The following AK8 variants were observed in gnomAD, a reference collection of about 807,000 sequenced individuals.
AK8 encodes adenylate kinase 8, also known as ATP-AMP transphosphorylase 8.
A neutral mutation model predicts 54.6 loss-of-function variants in AK8; 44 were observed. The observed-to-expected ratio is 0.81, with a 90% CI of 0.63 to 1.04. AK8 has a LOEUF of 1.04. Among genes scored for constraint, AK8 ranks in the 50% least tolerant of loss-of-function variants. The pLI, the probability that AK8 is intolerant of heterozygous loss-of-function variation, is 0.00. For synonymous variants in AK8, 239 were observed against 245.6 expected, an observed-to-expected ratio of 0.97 and a Z score of 0.25; for missense variants, 555 against 613.6, an observed-to-expected ratio of 0.90 and a Z score of 1.01.
rs183360811 is a variant in AK8 at position 132,844,441 on chromosome 9, C to T, written c.402+10416G>A. On this transcript the variant is annotated intron_variant, in intron 5 of 12. Transcript: ENST00000298545. ...TGTGCTCTAAATTACCAATTCTAGTCCCTGTGTAGCTAAATAATAATAATT... is the reference window on the plus strand; with the variant it reads ...TGTGCTCTAAATTACCAATTCTAGTTCCTGTGTAGCTAAATAATAATAATT... Among the ~76,000 whole-genome samples, 86 of 152,184 alleles carry T rather than the reference C, an allele frequency of 5.7e-4. 1 individual carries two copies. Among genetic ancestry groups the T allele is most frequent in the Admixed American group, 5.3e-3 (81 of 15,288 alleles).
At chr9:132,864,737 G>A (rs990870333) in intron 3 of AK8, among the ~76,000 whole-genome samples, 9 of 152,190 alleles carry the variant, frequency 5.9e-5, no homozygotes, top group South Asian at 2.1e-4. Flanking sequence ...AAACTCGATC[G>A]CTTCAGCCAT....
intron 5 of AK8, among the ~76,000 whole-genome samples, chr9:132,833,115 C>T (rs147364993): frequency 2.0e-5 from 3 of 152,328 alleles, no homozygotes; most frequent in African/African-American, 4.8e-5. Flanking sequence ...GAAGGGAGGG[C>T]GCCTTGACCA....
chr9:132,831,651 AGATGACGGACTG>A (rs145616696), intron 5 of AK8, among the ~76,000 whole-genome samples: 469 of 152,376 alleles, frequency 3.1e-3, no homozygotes, highest in African/African-American at 0.011. Context: ...CTCTAAGGTC[AGATGACGGACTG>A]ACATGGACGG....
intron 4 of AK8, among the ~76,000 whole-genome samples, chr9:132,858,370 T>C (rs1452806381): frequency 6.6e-6 from 1 of 152,194 alleles, no homozygotes; most frequent in Non-Finnish European, 1.5e-5. Flanking sequence ...TCACTTGACT[T>C]CTCCCCAGTG....
rs564790399 is a variant in AK8, at chr9:132,863,645, G to C, written c.333+20C>G. 1.3e-6 allele frequency: 2 copies of C among 1,573,600 alleles called. No homozygotes were observed. The highest frequency in any genetic ancestry group is 1.7e-5 in the Admixed American group (1 of 59,854). ...GCACTGCTGCTGTGTGCCTACCCCTGTCCCCGGGGCCAGTCCTACCTTCCT... is the reference window on the plus strand; with the variant it reads ...GCACTGCTGCTGTGTGCCTACCCCTCTCCCCGGGGCCAGTCCTACCTTCCT... On this transcript the variant is annotated intron_variant, in intron 4 of 12. Transcript: ENST00000298545.
chr9:132,794,294 C>T (rs1490155331), intron 10 of AK8, among the ~76,000 whole-genome samples: 4 of 152,166 alleles, frequency 2.6e-5, no homozygotes, highest in African/African-American at 9.7e-5. Context: ...CCCAGTGCTC[C>T]GAGGATAAAG....
intron 10 of AK8, among the ~76,000 whole-genome samples, chr9:132,806,101 CGTGTGT>C (rs5900993): frequency 0.08 from 11,916 of 148,562 alleles, 536 homozygotes; most frequent in Admixed American, 0.12. Context: ...TACTGCTTGG[CGTGTGT>C]GTGTGTGTGT....
At chr9:132,772,275 T>C (rs1233993804) in intron 11 of AK8, among the ~76,000 whole-genome samples, 1 of 152,220 alleles carries the variant, frequency 6.6e-6, no homozygotes, top group Admixed American at 6.5e-5. Context: ...CCGCTGCAGA[T>C]GTTGTTAGGG....
Position 132,803,217 on chromosome 9 carries a change from G to A in AK8, c.980-10442C>T, listed in dbSNP as rs1450829713. On this transcript the variant is annotated intron_variant, in intron 10 of 12. Coordinates refer to ENST00000298545, the MANE Select transcript of AK8 (RefSeq NM_152572.3). The surrounding 1 kb of genome is among the most constrained non-coding windows in gnomAD (Gnocchi z 4.4). ...TCCCACCGGGTCCCTCCCATGACAC[G>A]TGAGGATTATGGGAACTACAGTTCA... Among the ~76,000 whole-genome samples, 9 of 152,222 alleles carry A rather than the reference G, an allele frequency of 5.9e-5. No homozygotes were observed. Among genetic ancestry groups the A allele is most frequent in the Admixed American group, 3.9e-4 (6 of 15,292 alleles).
chr9:132,843,126 G>A (rs951479127), intron 5 of AK8, among the ~76,000 whole-genome samples: 4 of 152,210 alleles, frequency 2.6e-5, no homozygotes, highest in African/African-American at 9.7e-5. Flanking sequence ...GTTTGGATAT[G>A]TGTCCCCACC....
chr9:132,874,463 T>C (rs909634354), intron 2 of AK8: 1 of 152,482 alleles, frequency 6.6e-6, no homozygotes, highest in African/African-American at 2.4e-5. Flanking sequence ...GAAAGAAACA[T>C]AAAAGCTCCA....
chr9:132,834,574 C>T (rs775553283), intron 5 of AK8, among the ~76,000 whole-genome samples: 11 of 152,202 alleles, frequency 7.2e-5, no homozygotes, highest in Admixed American at 2.0e-4. Context: ...CCCGTTACCC[C>T]TTAACTTGCT....
At chr9:132,842,843 G>A (rs143508978) in intron 5 of AK8, among the ~76,000 whole-genome samples, 5 of 152,334 alleles carry the variant, frequency 3.3e-5, no homozygotes, top group East Asian at 1.9e-4. Flanking sequence ...TGAGGGCTCC[G>A]GTTTCTCGCT....
chr9:132,800,919 C>CTTTT (rs34462868), intron 10 of AK8, among the ~76,000 whole-genome samples: 5 of 123,808 alleles, frequency 4.0e-5, no homozygotes, highest in Non-Finnish European at 6.6e-5. Context: ...TCAGTTTGTC[C>CTTTT]TTTTTTTTTT....
In AK8 at chr9:132,803,874, G is replaced by A. The variant is rs1840584903; in HGVS notation, c.979+10764C>T. 6.6e-6 allele frequency among the ~76,000 whole-genome samples: 1 copy of A among 152,116 alleles called. No homozygotes were observed. Among genetic ancestry groups the A allele is most frequent in the Admixed American group, 6.5e-5 (1 of 15,282 alleles). ...CGCCTGTAATCCCAGCACTTTGGGA[G>A]GCCGAGGCTGGCGGATCACGAGGTC... On this transcript the variant is annotated intron_variant, in intron 10 of 12. Transcript: ENST00000298545. The surrounding 1 kb of genome is among the most constrained non-coding windows in gnomAD (Gnocchi z 4.4).
intron 11 of AK8, among the ~76,000 whole-genome samples, chr9:132,736,237 A>G (rs1180488610): frequency 2.2e-5 from 3 of 138,036 alleles, no homozygotes; most frequent in Non-Finnish European, 4.5e-5. Flanking sequence ...CCTAGTCTGG[A>G]GTGGAATGGC....
intron 8 of AK8, among the ~76,000 whole-genome samples, chr9:132,824,378 GTCTGCCTTTACCAA>G (rs1276211237): frequency 1.3e-5 from 2 of 152,234 alleles, no homozygotes; most frequent in Admixed American, 1.3e-4. Context: ...CTTCCTGCCA[GTCTGCCTTTACCAA>G]TGTGCCTTGC....
At chr9:132,854,326 C>T (rs1284272909) in intron 5 of AK8, among the ~76,000 whole-genome samples, 2 of 152,220 alleles carry the variant, frequency 1.3e-5, no homozygotes, top group African/African-American at 4.8e-5. Context: ...CTGTGGCACC[C>T]ATCAGTGCCC....
chr9:132,769,676 G>C (rs1156282281), intron 11 of AK8: 1 of 152,126 alleles, frequency 6.6e-6, no homozygotes, highest in African/African-American at 2.4e-5. Context: ...CGGCAGTGAG[G>C]GCTCCCATCT....
Sources: allele counts gnomAD v4.1 joint callset (sites outside exome capture counted in the v4.1 genomes callset), GRCh38; gene constraint gnomAD v4.1.1; non-coding constraint Gnocchi (gnomAD v3.1); transcripts MANE v1.5; gene names NCBI Gene and HGNC (gene_info 2026-07-23, HGNC 2026-07-21).